Variants in LRRK2 observed in about 807,000 individuals in gnomAD.
The protein encoded by LRRK2 is leucine-rich repeat serine/threonine-protein kinase 2.
A neutral mutation model predicts 302.6 loss-of-function variants in LRRK2; 203 were observed. The observed-to-expected ratio is 0.67, with a 90% CI of 0.60 to 0.75. The LOEUF is 0.75. Ranked by LOEUF, LRRK2 falls within the 30% of genes least tolerant of loss-of-function variation. LRRK2 has a pLI of 0.00. For missense variants in LRRK2, 2,830 were observed against 2,951.0 expected, an observed-to-expected ratio of 0.96 and a Z score of 0.95; for synonymous variants, 1,066 against 1,031.9, an observed-to-expected ratio of 1.03 and a Z score of -0.63.
At position 40,274,741 on chromosome 12, in the gene LRRK2, G is replaced by C; in HGVS notation, c.1801+14G>C. On this transcript the variant is annotated intron_variant, in intron 15 of 50. Transcript: ENST00000298910. The stretch of plus-strand genomic sequence containing the variant: ...CAGATGACCAAGGTCAGTACAATTT[G>C]AATTCAGGATTTAGAATAGATTTTT... The C allele has an allele frequency of 6.2e-7, 1 of 1,613,938 alleles. No homozygotes were observed. The highest frequency in any genetic ancestry group is 8.5e-7 in the Non-Finnish European group (1 of 1,179,896).
intron 41 of LRRK2, among the ~76,000 whole-genome samples, chr12:40,343,628 G>C (rs1027569655): frequency 2.6e-5 from 4 of 152,112 alleles, no homozygotes; most frequent in African/African-American, 9.7e-5. Context: ...TAAAATGCAG[G>C]CTTCTCTGAA....
chr12:40,274,367 A>G (rs183393689), intron 14 of LRRK2, among the ~76,000 whole-genome samples: 108 of 152,354 alleles, frequency 7.1e-4, no homozygotes, highest in Non-Finnish European at 2.8e-4. Context: ...AGTATTTATT[A>G]CAATGCCTGG....
chr12:40,318,527 A>G (rs1354391393), intron 33 of LRRK2, among the ~76,000 whole-genome samples: 1 of 152,060 alleles, frequency 6.6e-6, no homozygotes, highest in Admixed American at 6.6e-5. Context: ...GAAGAAATTG[A>G]TTGACAGAGA....
intron 44 of LRRK2, 119 bp from the exon 45 acceptor site, chr12:40,354,180 A>G (rs1175577752): frequency 9.5e-6 from 8 of 837,840 alleles, no homozygotes; most frequent in Non-Finnish European, 1.3e-5. Flanking sequence ...CATTGTTTTT[A>G]AAAGTAATGC....
chr12:40,232,177 C>A, intron 2 of LRRK2, 97 bp from the exon 3 acceptor site: 2 of 855,684 alleles, frequency 2.3e-6, no homozygotes, highest in Non-Finnish European at 4.0e-6. Flanking sequence ...GTGAGATAAG[C>A]ATCTATTCCA....
intron 30 of LRRK2, among the ~76,000 whole-genome samples, chr12:40,309,806 C>A (rs1944976013): frequency 6.6e-6 from 1 of 152,164 alleles, no homozygotes; most frequent in South Asian, 2.1e-4. Flanking sequence ...GCAATGAACT[C>A]TTCTGTGCAT....
chr12:40,253,524 TA>T (rs1942373361), intron 11 of LRRK2, among the ~76,000 whole-genome samples: 1 of 152,206 alleles, frequency 6.6e-6, no homozygotes, highest in South Asian at 2.1e-4. Context: ...TATCTGGGAC[TA>T]CAGGCATGCA....
At chr12:40,356,051 A>C (rs951173740) in intron 45 of LRRK2, 64 bp from the exon 46 acceptor site, 3 of 1,077,768 alleles carry the variant, frequency 2.8e-6, no homozygotes, top group Middle Eastern at 2.0e-4. Flanking sequence ...GGAGGAGAAC[A>C]TTAAGGCCAT....
chr12:40,355,832 C>T (rs917764844), intron 45 of LRRK2, among the ~76,000 whole-genome samples: 3 of 152,108 alleles, frequency 2.0e-5, no homozygotes, highest in African/African-American at 7.2e-5. Context: ...GTGTGAGCCA[C>T]CACGCCAGGC....
intron 29 of LRRK2, 132 bp downstream of exon 29, chr12:40,308,828 T>C (rs1944926625): frequency 1.0e-6 from 1 of 953,728 alleles, no homozygotes; most frequent in Admixed American, 2.3e-5. Flanking sequence ...GCCCTTCATT[T>C]CTCCTAATTT....
chr12:40,355,941 G>A (rs1354922173), intron 45 of LRRK2, among the ~76,000 whole-genome samples, 174 bp from the exon 46 acceptor site: 2 of 152,178 alleles, frequency 1.3e-5, no homozygotes, highest in East Asian at 3.9e-4. Context: ...AAAAGGGGCA[G>A]AGAAAGAATT....
At chr12:40,325,043 T>C (rs1945502831) in intron 38 of LRRK2, among the ~76,000 whole-genome samples, 1 of 152,190 alleles carries the variant, frequency 6.6e-6, no homozygotes, top group Non-Finnish European at 1.5e-5. Context: ...ATCCCAGCAC[T>C]TTGGGAGGCC....
At chr12:40,298,587 C>A in intron 24 of LRRK2, 94 bp downstream of exon 24, 2 of 1,457,230 alleles carry the variant, frequency 1.4e-6, no homozygotes, top group Non-Finnish European at 1.9e-6. Flanking sequence ...GTTTTAACAA[C>A]ATGGTGAAAC....
rs754239690 is a variant in LRRK2, at chr12:40,322,050, C to T, written c.5186C>T (p.Pro1729Leu). ...MLSGRERALR[P>L]NRMYWRQGIY... ...CATTTTTTAGAACGAGCACTTCGCC[C>T]AAACAGAATGTATTGGCGACAAGGC... is the stretch of plus-strand genomic sequence containing the variant. The change falls in exon 36 of 51, where the codon CCA becomes CTA. Residue 1729 changes from proline (P) to leucine (L), a missense_variant. Physicochemically the swap from Pro to Leu is moderately conservative, Grantham distance 98. This residue lies in a region of LRRK2 where 2,121 missense variants were observed against 2,148.0 expected (regional missense o/e 0.99). Transcript: ENST00000298910. The T allele has an allele frequency of 6.2e-6, 10 of 1,613,202 alleles. No individual in the cohort carries two copies. The South Asian group carries it at 7.7e-5, about 12-fold the overall frequency.
chr12:40,356,976 T>A (rs767127884), intron 46 of LRRK2, among the ~76,000 whole-genome samples: 6 of 152,338 alleles, frequency 3.9e-5, no homozygotes, highest in Non-Finnish European at 7.4e-5. Context: ...TATTTTGAAA[T>A]GTTTTTAACT....
At chr12:40,335,253 C>A in intron 40 of LRRK2, 96 bp downstream of exon 40, 1 of 1,285,612 alleles carries the variant, frequency 7.8e-7, no homozygotes, top group Non-Finnish European at 1.1e-6. Flanking sequence ...CACTGTGCCC[C>A]AGTAACAATT....
chr12:40,320,925 C>T, intron 34 of LRRK2, 109 bp from the exon 35 acceptor site: 1 of 1,313,986 alleles, frequency 7.6e-7, no homozygotes, highest in Non-Finnish European at 1.1e-6. Flanking sequence ...AAAAAGATTA[C>T]AATTGTTTGG....
intron 46 of LRRK2, among the ~76,000 whole-genome samples, chr12:40,357,631 A>G (rs1946579338): frequency 6.6e-6 from 1 of 152,166 alleles, no homozygotes; most frequent in Admixed American, 6.5e-5. Context: ...TATAATAGCC[A>G]TTCTAATTGG....
At position 40,278,311 on chromosome 12, in the gene LRRK2, T is replaced by C. The variant is rs775875215; in HGVS notation, c.2241+50T>C. On this transcript the variant is annotated intron_variant, in intron 18 of 50. Coordinates refer to ENST00000298910, the MANE Select transcript of LRRK2 (RefSeq NM_198578.4). ...GTCTTTGCTCAGTATTCTTATAGAA[T>C]GTAAGAGCCCTGCCATTGTGTATCT... 8 of 1,599,992 alleles carry C rather than the reference T, an allele frequency of 5.0e-6. No individual in the cohort carries two copies. In the African/African-American group the frequency reaches 1.1e-4, roughly 21 times the overall value.
Sources: allele counts gnomAD v4.1 joint callset (sites outside exome capture counted in the v4.1 genomes callset), GRCh38; gene constraint gnomAD v4.1.1; regional missense constraint gnomAD v4.1.1; transcripts MANE v1.5; gene names NCBI Gene and HGNC (gene_info 2026-07-23, HGNC 2026-07-21).